Variants in PHACTR4 observed in about 807,000 individuals in gnomAD.
The protein encoded by PHACTR4 is protein phosphatase 1, regulatory subunit 124.
PHACTR4 carries 51 observed loss-of-function variants against 72.7 expected under a neutral mutation model. The observed-to-expected ratio is 0.70, with a 90% CI of 0.56 to 0.89. The LOEUF is 0.89. Ranked by LOEUF, PHACTR4 falls within the 40% of genes least tolerant of loss-of-function variation. The pLI is 0.00. For synonymous variants in PHACTR4, 255 were observed against 302.5 expected, an observed-to-expected ratio of 0.84 and a Z score of 1.63; for missense variants, 731 against 861.8, an observed-to-expected ratio of 0.85 and a Z score of 1.90.
intron 4 of PHACTR4, among the ~76,000 whole-genome samples, chr1:28,463,727 T>C (rs1182270147): frequency 6.6e-6 from 1 of 152,134 alleles, no homozygotes; most frequent in East Asian, 1.9e-4. Flanking sequence ...ACACTCCACC[T>C]CTTATTGGAA....
chr1:28,410,160 G>A (rs1319777186), intron 2 of PHACTR4, among the ~76,000 whole-genome samples: 1 of 151,842 alleles, frequency 6.6e-6, no homozygotes, highest in African/African-American at 2.4e-5. Context: ...TAGAGACAGG[G>A]TTTCACCATC....
chr1:28,462,770 C>T (rs1658906250), intron 4 of PHACTR4, among the ~76,000 whole-genome samples: 1 of 152,200 alleles, frequency 6.6e-6, no homozygotes, highest in African/African-American at 2.4e-5. Context: ...GACAAGATGC[C>T]ATTCTGCCAA....
chr1:28,467,467 T>C (rs1228667768), intron 6 of PHACTR4, among the ~76,000 whole-genome samples: 3 of 151,742 alleles, frequency 2.0e-5, no homozygotes, highest in Non-Finnish European at 2.9e-5. Context: ...CTGCATGGAA[T>C]TATCTGTGGC....
chr1:28,465,644 A>T, intron 4 of PHACTR4, 41 bp from the exon 5 acceptor site: 1 of 1,573,914 alleles, frequency 6.4e-7, no homozygotes, highest in Non-Finnish European at 8.6e-7. Context: ...CTATCTGTTC[A>T]TGCCAACTTC....
chr1:28,451,585 G>T (rs1031211988), intron 2 of PHACTR4, among the ~76,000 whole-genome samples: 1 of 151,826 alleles, frequency 6.6e-6, no homozygotes, highest in African/African-American at 2.4e-5. Flanking sequence ...TGTTATTGTA[G>T]CAGTTTTAGA....
chr1:28,440,784 C>T (rs1656971060), intron 2 of PHACTR4, among the ~76,000 whole-genome samples: 1 of 152,020 alleles, frequency 6.6e-6, no homozygotes, highest in Admixed American at 6.6e-5. Context: ...AACTGAAAAC[C>T]TTGAGGACTA....
intron 1 of PHACTR4, among the ~76,000 whole-genome samples, chr1:28,387,857 A>G (rs1652684044): frequency 6.6e-6 from 1 of 151,940 alleles, no homozygotes; most frequent in South Asian, 2.1e-4. Context: ...CCTCCTGGGT[A>G]ACTGGGATTA....
chr1:28,388,130 C>G (rs1191055383), intron 1 of PHACTR4, among the ~76,000 whole-genome samples: 1 of 151,674 alleles, frequency 6.6e-6, no homozygotes, highest in African/African-American at 2.4e-5. Flanking sequence ...ACTGAGGATG[C>G]AGTAAGCTGT....
chr1:28,391,360 T>C (rs61783804), intron 1 of PHACTR4, among the ~76,000 whole-genome samples: 56,902 of 148,352 alleles, frequency 0.38, 12,510 homozygotes, highest in African/African-American at 0.6. Context: ...GATCAAGCCA[T>C]TGCACTCCAG....
At chr1:28,411,178 C>G (rs554072605) in intron 2 of PHACTR4, among the ~76,000 whole-genome samples, 61 of 151,902 alleles carry the variant, frequency 4.0e-4, no homozygotes, top group African/African-American at 1.4e-3. Context: ...TCCCAAGTAG[C>G]TGGGACTACA....
chr1:28,472,122 C>T (rs531990607), intron 6 of PHACTR4, among the ~76,000 whole-genome samples: 30 of 150,418 alleles, frequency 2.0e-4, no homozygotes, highest in African/African-American at 6.1e-4. Context: ...CTGAGGCAGG[C>T]GAATGGTGTG....
intron 1 of PHACTR4, among the ~76,000 whole-genome samples, chr1:28,395,123 G>A (rs1057231857): frequency 6.6e-6 from 1 of 152,066 alleles, no homozygotes; most frequent in Non-Finnish European, 1.5e-5. Flanking sequence ...ATGTTGGCCA[G>A]GCTGGTCTCA....
At chr1:28,434,686 G>T (rs61783839) in intron 2 of PHACTR4, among the ~76,000 whole-genome samples, 16,086 of 152,066 alleles carry the variant, frequency 0.11, 1,187 homozygotes, top group Non-Finnish European at 0.16. Context: ...GCCATGCCAA[G>T]ATTTGGCTTT....
chr1:28,458,670 A>G (rs1044241124), intron 2 of PHACTR4, among the ~76,000 whole-genome samples: 1 of 152,176 alleles, frequency 6.6e-6, no homozygotes, highest in Non-Finnish European at 1.5e-5. Flanking sequence ...TGAACTATTT[A>G]TATCCTGAAA....
chr1:28,411,115 C>T (rs967255488), intron 2 of PHACTR4, among the ~76,000 whole-genome samples: 6 of 150,626 alleles, frequency 4.0e-5, no homozygotes, highest in African/African-American at 7.3e-5. Context: ...GGTGTGATCT[C>T]GGCTCACTGC....
At chr1:28,448,886 G>A (rs1657721558) in intron 2 of PHACTR4, among the ~76,000 whole-genome samples, 1 of 150,070 alleles carries the variant, frequency 6.7e-6, no homozygotes, top group South Asian at 2.1e-4. Context: ...GGGGGGACAA[G>A]GCATGGTAGC....
intron 1 of PHACTR4, among the ~76,000 whole-genome samples, chr1:28,398,771 A>T (rs973263330): frequency 3.9e-5 from 6 of 151,982 alleles, no homozygotes; most frequent in Admixed American, 3.9e-4. Context: ...GTGAGCCAAG[A>T]TCGCGCTACT....
At chr1:28,458,846 A>AT (rs551295168) in intron 2 of PHACTR4, among the ~76,000 whole-genome samples, 76 of 152,070 alleles carry the variant, frequency 5.0e-4, no homozygotes, top group Non-Finnish European at 9.7e-4. Context: ...ATTTCACCAG[A>AT]TTTTGTCCTA....
chr1:28,493,950 A>G (rs991377793), intron 13 of PHACTR4, among the ~76,000 whole-genome samples: 2 of 152,196 alleles, frequency 1.3e-5, no homozygotes, highest in East Asian at 1.9e-4. Context: ...CAACAAATCA[A>G]GTGTTTTGAT....
Sources: gnomAD v4.1 joint callset for allele counts (sites outside exome capture counted in the v4.1 genomes callset) on GRCh38, gnomAD v4.1.1 for gene constraint, MANE v1.5 for transcripts, NCBI Gene and HGNC (gene_info 2026-07-23, HGNC 2026-07-21) for gene names.